Variants in FBXO31 observed in about 807,000 individuals in gnomAD.
FBXO31 encodes F-box protein 31, also known as F-box only protein 31.
Under a neutral mutation model 54.4 loss-of-function variants are expected in FBXO31, and 24 were observed. The observed-to-expected ratio is 0.44, with a 90% CI of 0.32 to 0.62. The LOEUF is 0.62. Among genes scored for constraint, FBXO31 ranks in the 20% least tolerant of loss-of-function variants. FBXO31 has a pLI of 0.05. For synonymous variants in FBXO31, 388 were observed against 335.6 expected, an observed-to-expected ratio of 1.16 and a Z score of -1.71; for missense variants, 665 against 787.1, an observed-to-expected ratio of 0.84 and a Z score of 1.86.
At position 87,334,289 on chromosome 16, in the gene FBXO31, G is replaced by A; in HGVS notation, c.997-3C>T. On this transcript the variant is annotated splice_region_variant and splice_polypyrimidine_tract_variant and intron_variant, in intron 7 of 8. Transcript: ENST00000311635. ...CCAGCGGGGATGTTGGGGTCGCCCT[G>A]TGGAGCAGGTGGCAGTCAGCAGGGC... 1 of 1,562,124 alleles carries A rather than the reference G, an allele frequency of 6.4e-7. No homozygotes were observed. Among genetic ancestry groups the A allele is most frequent in the Non-Finnish European group, 8.7e-7 (1 of 1,151,200 alleles).
rs1313226820 is a variant in FBXO31 at position 87,358,929 on chromosome 16, C to G, written c.412+1366G>C. Among the ~76,000 whole-genome samples, 1 of 152,178 alleles carries G rather than the reference C, an allele frequency of 6.6e-6. No individual in the cohort carries two copies. The highest frequency in any genetic ancestry group is 1.9e-4 in the East Asian group (1 of 5,188). ...CCAGCACCCACCTGGCGTTTCCCAGCCTGCTAACTCAGGCCAGCCTCGTCA... is the reference window on the plus strand; with the variant it reads ...CCAGCACCCACCTGGCGTTTCCCAGGCTGCTAACTCAGGCCAGCCTCGTCA... On this transcript the variant is annotated intron_variant, in intron 2 of 8. Coordinates refer to ENST00000311635, the MANE Select transcript of FBXO31 (RefSeq NM_024735.5). The surrounding 1 kb of genome is among the most constrained non-coding windows in gnomAD (Gnocchi z 4.0).
chr16:87,333,186 A>T (rs943303125), intron 8 of FBXO31, among the ~76,000 whole-genome samples: 9 of 152,342 alleles, frequency 5.9e-5, no homozygotes, highest in Middle Eastern at 3.4e-3. Flanking sequence ...AAAACTGTAT[A>T]AAAAAAGTCA....
At chr16:87,359,693 C>A (rs1906050205) in intron 2 of FBXO31, among the ~76,000 whole-genome samples, 1 of 152,216 alleles carries the variant, frequency 6.6e-6, no homozygotes, top group Non-Finnish European at 1.5e-5. Context: ...GAGCTTCGTC[C>A]AGTGAGCAAG....
chr16:87,343,065 A>C, intron 4 of FBXO31, 114 bp from the exon 5 acceptor site: 4 of 810,218 alleles, frequency 4.9e-6, no homozygotes, highest in Non-Finnish European at 7.9e-6. Context: ...ACCAAACCCC[A>C]CTGCAGGCAC....
intron 2 of FBXO31, among the ~76,000 whole-genome samples, chr16:87,348,336 T>C (rs1905485536): frequency 6.6e-6 from 1 of 152,208 alleles, no homozygotes. Context: ...GGATGCTAAA[T>C]GCCTGATGAA....
chr16:87,391,098 C>T (rs1403280732), upstream of FBXO31, among the ~76,000 whole-genome samples: 2 of 152,204 alleles, frequency 1.3e-5, no homozygotes. Flanking sequence ...CGCCTGTAAT[C>T]CCAACTCTTA....
chr16:87,344,838 C>G (rs1054792328), intron 3 of FBXO31, among the ~76,000 whole-genome samples: 3 of 152,170 alleles, frequency 2.0e-5, no homozygotes, highest in South Asian at 2.1e-4. Context: ...CGGCTCCCAG[C>G]AGATGAAAAC....
Position 87,331,407 on chromosome 16 carries a change from G to T in FBXO31, c.1501C>A (p.Leu501Met). 6.2e-7 allele frequency: 1 copy of T among 1,613,896 alleles called. No individual in the cohort carries two copies. The highest frequency in any genetic ancestry group is 8.5e-7 in the Non-Finnish European group (1 of 1,180,032). Residue 501 changes from leucine to methionine, a missense_variant, in exon 9 of 9, where the codon CTG becomes ATG. Transcript: ENST00000311635. The part of the protein sequence containing the change: ...FDEDRFGFVW[L>M]ELKSFSLYSR... Reference sequence around the variant, plus strand: ...TACAGGCTGAAGGATTTCAGCTCCAGCCAGACGAACCCGAAGCGGTCCTCA... The same window carrying T: ...TACAGGCTGAAGGATTTCAGCTCCATCCAGACGAACCCGAAGCGGTCCTCA...
chr16:87,347,103 C>T, intron 3 of FBXO31, 71 bp downstream of exon 3: 2 of 1,354,748 alleles, frequency 1.5e-6, no homozygotes, highest in Non-Finnish European at 2.1e-6. Flanking sequence ...TAGAAGAGGC[C>T]CTCAAATTCC....
At chr16:87,384,074 T>G (rs1040619212), upstream of FBXO31, 2 of 165,330 alleles carry the variant, frequency 1.2e-5, no homozygotes. Context: ...ACTGACGCGC[T>G]GCCTACTGCG....
chr16:87,350,124 G>C (rs1905585831), intron 2 of FBXO31, among the ~76,000 whole-genome samples: 1 of 152,016 alleles, frequency 6.6e-6, no homozygotes, highest in African/African-American at 2.4e-5. Flanking sequence ...AGGATCTCGG[G>C]GCTCTGCAGG....
chr16:87,337,382 C>T (rs753398270), intron 5 of FBXO31, among the ~76,000 whole-genome samples: 2 of 152,162 alleles, frequency 1.3e-5, no homozygotes, highest in Non-Finnish European at 2.9e-5. Flanking sequence ...TCTACAGATC[C>T]GACCTCACGC....
At chr16:87,376,875 G>C (rs1037213577) in intron 1 of FBXO31, among the ~76,000 whole-genome samples, 1 of 152,218 alleles carries the variant, frequency 6.6e-6, no homozygotes. Flanking sequence ...TGTTAGGAAA[G>C]ATGAAGTTTC....
chr16:87,372,875 T>C (rs1209738233), intron 1 of FBXO31, among the ~76,000 whole-genome samples: 1 of 151,400 alleles, frequency 6.6e-6, no homozygotes. Flanking sequence ...TAGCTGGGAC[T>C]ACAGGCACGC....
intron 1 of FBXO31, among the ~76,000 whole-genome samples, chr16:87,381,412 A>T (rs1181976449): frequency 5.9e-5 from 9 of 152,164 alleles, no homozygotes; most frequent in Admixed American, 3.9e-4. Context: ...CACCTACCTC[A>T]TTCACCCTCC....
intron 2 of FBXO31, among the ~76,000 whole-genome samples, chr16:87,355,444 G>A (rs1253371484): frequency 6.6e-6 from 1 of 152,200 alleles, no homozygotes; most frequent in Non-Finnish European, 1.5e-5. Flanking sequence ...CATAGGTTGA[G>A]GCTGTTGAAA....
At chr16:87,359,204 A>G (rs1156929464) in intron 2 of FBXO31, among the ~76,000 whole-genome samples, 1 of 152,198 alleles carries the variant, frequency 6.6e-6, no homozygotes, top group Non-Finnish European at 1.5e-5. Flanking sequence ...AAACACTTTC[A>G]AGGGGTCAAG....
upstream of FBXO31, among the ~76,000 whole-genome samples, chr16:87,388,345 T>C (rs1035721068): frequency 6.6e-6 from 1 of 152,252 alleles, no homozygotes; most frequent in African/African-American, 2.4e-5. Flanking sequence ...TAAATCCTCC[T>C]GACCAAATCC....
At position 87,383,502 on chromosome 16, in the gene FBXO31, C is replaced by T; in HGVS notation, c.243G>A (p.Ser81=). 6.3e-7 allele frequency: 1 copy of T among 1,586,704 alleles called. No homozygotes were observed. The highest frequency in any genetic ancestry group is 1.7e-5 in the Admixed American group (1 of 57,376). Residue 81 remains serine, a synonymous_variant, in exon 1 of 9, where the codon TCG becomes TCA. Coordinates refer to ENST00000311635, the MANE Select transcript of FBXO31 (RefSeq NM_024735.5). The surrounding 1 kb of genome is among the most constrained non-coding windows in gnomAD (Gnocchi z 4.9). ...AGCTGGGTAGGTCCGTGCCCGGCAG[C>T]GACGCGAAGATCTCCACCAGCAGCT... ...PPELLVEIFA[S]LPGTDLPSLA...
Sources: allele counts gnomAD v4.1 joint callset (sites outside exome capture counted in the v4.1 genomes callset), GRCh38; gene constraint gnomAD v4.1.1; non-coding constraint Gnocchi (gnomAD v3.1); transcripts MANE v1.5; gene names NCBI Gene and HGNC (gene_info 2026-07-23, HGNC 2026-07-21).